The following APBB2 variants were observed in gnomAD, a reference collection of about 807,000 sequenced individuals.
APBB2 encodes the protein Fe65-like 1.
Under a neutral mutation model 82.5 loss-of-function variants are expected in APBB2, and 38 were observed. That is an observed-to-expected ratio of 0.46 (90% CI 0.36 to 0.60). The LOEUF is 0.60. Among genes scored for constraint, APBB2 ranks in the 20% least tolerant of loss-of-function variants. APBB2 has a pLI of 0.00. For synonymous variants in APBB2, 341 were observed against 368.2 expected (o/e 0.93, Z 0.85); for missense variants, 772 against 972.3 (o/e 0.79, Z 2.74).
rs113648544 is a variant in APBB2, at chr4:40,830,924, C to CA, written c.1530-348dup. On this transcript the variant is annotated intron_variant, in intron 12 of 17. Transcript: ENST00000508593. Reference sequence around the variant, plus strand: ...AACCACTATCAAAAAAAACCAAAACCAAAAAAAAACAAAAAACAAACAAAA... The same window carrying CA: ...AACCACTATCAAAAAAAACCAAAACCAAAAAAAAAACAAAAAACAAACAAAA... Among the ~76,000 whole-genome samples the CA allele has an allele frequency of 4.5e-3, 673 of 148,622 alleles. 8 individuals carry two copies. The highest frequency in any genetic ancestry group is 6.3e-3 in the Non-Finnish European group (425 of 66,990).
In APBB2 at chr4:41,012,017, C is replaced by T. The variant is rs574581377; in HGVS notation, c.835+1566G>A. Among the ~76,000 whole-genome samples, 7 of 152,148 alleles carry T rather than the reference C, an allele frequency of 4.6e-5. No homozygotes were observed. In the East Asian group the frequency reaches 5.8e-4, roughly 13 times the overall value. On this transcript the variant is annotated intron_variant, in intron 6 of 17. Coordinates refer to ENST00000508593, the MANE Select transcript of APBB2 (RefSeq NM_004307.2). ...AGCTGGAACTACAGGCACATGCCAC[C>T]GTCCACCATGCCCAACTAATTTTTT...
intron 1 of APBB2, among the ~76,000 whole-genome samples, chr4:41,150,698 C>A (rs1762039361): frequency 6.6e-6 from 1 of 152,134 alleles, no homozygotes; most frequent in Non-Finnish European, 1.5e-5. Context: ...TATGCCTTAT[C>A]CTGAAAGAAT....
At chr4:41,191,480 A>G (rs1430668986) in intron 1 of APBB2, among the ~76,000 whole-genome samples, 2 of 152,212 alleles carry the variant, frequency 1.3e-5, no homozygotes, top group African/African-American at 4.8e-5. Flanking sequence ...TATAGAGTCA[A>G]CTAATATTTC....
At chr4:41,074,608 A>ATTAT (rs1560682378) in intron 3 of APBB2, among the ~76,000 whole-genome samples, 2 of 136,666 alleles carry the variant, frequency 1.5e-5, no homozygotes, top group African/African-American at 5.3e-5. Flanking sequence ...TATTATTATT[A>ATTAT]TTTTTTTTTT....
At chr4:41,046,073 T>TA (rs1381439333) in intron 4 of APBB2, among the ~76,000 whole-genome samples, 5 of 152,162 alleles carry the variant, frequency 3.3e-5, no homozygotes, top group African/African-American at 7.2e-5. Flanking sequence ...CATATATCTT[T>TA]AAAAAAACAA....
chr4:41,100,259 C>A (rs755278360), intron 3 of APBB2, among the ~76,000 whole-genome samples: 35 of 152,156 alleles, frequency 2.3e-4, no homozygotes, highest in Non-Finnish European at 4.4e-5. Flanking sequence ...AACCAAAAAG[C>A]CTATCCAAAA....
chr4:40,825,190 G>A (rs1001531233), intron 15 of APBB2, among the ~76,000 whole-genome samples: 6 of 152,184 alleles, frequency 3.9e-5, no homozygotes, highest in African/African-American at 1.2e-4. Context: ...TTGCATACAC[G>A]TTTTTGCATG....
intron 6 of APBB2, among the ~76,000 whole-genome samples, chr4:40,974,644 A>G (rs1796716715): frequency 6.6e-6 from 1 of 152,248 alleles, no homozygotes. Context: ...AGGCATATCT[A>G]ATTCCAATAT....
At chr4:40,961,667 T>TAAAAAAAAAAAAA (rs60942744) in intron 6 of APBB2, among the ~76,000 whole-genome samples, 3 of 68,242 alleles carry the variant, frequency 4.4e-5, no homozygotes, top group African/African-American at 6.0e-5. Flanking sequence ...AAAAAAGATG[T>TAAAAAAAAAAAAA]AAAAAAAAAA....
Position 41,120,668 on chromosome 4 carries a change from C to T in APBB2, c.-260-19918G>A, listed in dbSNP as rs943587680. 3.3e-5 allele frequency among the ~76,000 whole-genome samples: 5 copies of T among 152,080 alleles called. No individual in the cohort carries two copies. In the South Asian group the frequency reaches 8.3e-4, roughly 25 times the overall value. ...TGTGCCACGATACTTAATTTTTGGC[C>T]AGATTCCAGAAAAAGTAGGGGAGAA... On this transcript the variant is annotated intron_variant, in intron 2 of 17. Coordinates refer to ENST00000508593, the MANE Select transcript of APBB2 (RefSeq NM_004307.2).
rs558914525 is a variant in APBB2 at position 41,134,879 on chromosome 4, ACTG to A, written c.-261+8105_-261+8107del. ...ACCACAGCTGCCCTCCTTACAGGAC[ACTG>A]CTAACTAGTTCACTTGGAATTTAAC... On this transcript the variant is annotated intron_variant, in intron 2 of 17. Transcript: ENST00000508593. Among the ~76,000 whole-genome samples, 249 of 152,306 alleles carry A rather than the reference ACTG, an allele frequency of 1.6e-3. 1 individual carries two copies. Among genetic ancestry groups the A allele is most frequent in the African/African-American group, 5.7e-3 (235 of 41,570 alleles).
Position 41,084,061 on chromosome 4 carries a change from T to TA in APBB2, c.-149+16577dup, listed in dbSNP as rs201530325. 2.0e-5 allele frequency among the ~76,000 whole-genome samples: 3 copies of TA among 152,096 alleles called. 1 individual carries two copies. In the South Asian group the frequency reaches 6.2e-4, roughly 31 times the overall value. ...CTGCAATATAAAAATATTTTATTGG[T>TA]AAAAAAAGTGATCATTAATAGTGAC... On this transcript the variant is annotated intron_variant, in intron 3 of 17. Coordinates refer to ENST00000508593, the MANE Select transcript of APBB2 (RefSeq NM_004307.2).
chr4:40,838,768 A>C (rs1754875295), intron 12 of APBB2, among the ~76,000 whole-genome samples: 1 of 151,904 alleles, frequency 6.6e-6, no homozygotes, highest in African/African-American at 2.4e-5. Context: ...CATGCCTGGC[A>C]AAAGCAGGCT....
At chr4:40,855,479 A>G (rs1760880894) in intron 12 of APBB2, among the ~76,000 whole-genome samples, 1 of 152,206 alleles carries the variant, frequency 6.6e-6, no homozygotes, top group African/African-American at 2.4e-5. Context: ...CATGCCTGTA[A>G]TCCCAGCACT....
chr4:41,052,151 G>A (rs1489235190), intron 4 of APBB2, among the ~76,000 whole-genome samples: 1 of 152,072 alleles, frequency 6.6e-6, no homozygotes, highest in African/African-American at 2.4e-5. Context: ...GAGGATCACT[G>A]GAGGACAGGA....
chr4:41,084,522 G>A (rs917687322), intron 3 of APBB2: 1 of 152,218 alleles, frequency 6.6e-6, no homozygotes, highest in Non-Finnish European at 1.5e-5. Context: ...TTGCACTACA[G>A]AGGACAAGTG....
At chr4:40,819,624 AT>A (rs1490533220) in intron 17 of APBB2, among the ~76,000 whole-genome samples, 1 of 152,168 alleles carries the variant, frequency 6.6e-6, no homozygotes, top group Non-Finnish European at 1.5e-5. Flanking sequence ...AAAAAATAAA[AT>A]AAAATAAAAA....
chr4:41,022,415 T>C (rs1158417310), intron 5 of APBB2, among the ~76,000 whole-genome samples: 2 of 152,214 alleles, frequency 1.3e-5, no homozygotes, highest in Admixed American at 1.3e-4. Flanking sequence ...CAGAGGCACA[T>C]GGAATGCTCT....
chr4:41,117,239 C>A (rs1316718523), intron 2 of APBB2, among the ~76,000 whole-genome samples: 1 of 151,396 alleles, frequency 6.6e-6, no homozygotes, highest in Non-Finnish European at 1.5e-5. Context: ...TGTGTTCTTT[C>A]ATTTAATCCC....
Sources: allele counts gnomAD v4.1 joint callset (sites outside exome capture counted in the v4.1 genomes callset), GRCh38; gene constraint gnomAD v4.1.1; transcripts MANE v1.5; gene names NCBI Gene and HGNC (gene_info 2026-07-23, HGNC 2026-07-21).